Variants in PCED1B observed in about 807,000 individuals in gnomAD.
PCED1B encodes the protein PC-esterase domain-containing protein 1B.
For synonymous variants in PCED1B, 251 were observed against 246.1 expected, an observed-to-expected ratio of 1.02 and a Z score of -0.19; for missense variants, 573 against 573.9, an observed-to-expected ratio of 1.00 and a Z score of 0.02.
intron 3 of PCED1B, among the ~76,000 whole-genome samples, chr12:47,220,887 G>A (rs1168432289): frequency 5.3e-5 from 8 of 152,144 alleles, no homozygotes; most frequent in Admixed American, 4.6e-4. Flanking sequence ...AACATTCAAA[G>A]GTGAGTCACA....
chr12:47,127,970 C>T (rs1475325620), intron 2 of PCED1B, among the ~76,000 whole-genome samples: 1 of 152,162 alleles, frequency 6.6e-6, no homozygotes, highest in Non-Finnish European at 1.5e-5. Flanking sequence ...CCGCTTTATG[C>T]TTCATTACAG....
rs934293252 is a variant in PCED1B, at chr12:47,102,471, A to G, written c.-608-1642A>G. On this transcript the variant is annotated intron_variant, in intron 1 of 3. Transcript: ENST00000546455. ...GTTATACAGTTTTCCCTGCAACATG[A>G]TGTCAGTCTGCAAAGGGTCTTTGTG... 5.3e-5 allele frequency among the ~76,000 whole-genome samples: 8 copies of G among 152,256 alleles called. No individual in the cohort carries two copies. The South Asian group carries it at 1.4e-3, about 28-fold the overall frequency.
chr12:47,080,965 C>T (rs565016085), intron 1 of PCED1B, among the ~76,000 whole-genome samples: 1 of 152,154 alleles, frequency 6.6e-6, no homozygotes, highest in Non-Finnish European at 1.5e-5. Flanking sequence ...CCGGAGATGC[C>T]GCGGCCGACC....
intron 2 of PCED1B, among the ~76,000 whole-genome samples, chr12:47,122,381 A>C (rs2137312662): frequency 6.6e-6 from 1 of 152,330 alleles, no homozygotes. Flanking sequence ...AGCCAACTGG[A>C]TCCATATACT....
chr12:47,084,499 T>TAATG (rs1937888941), intron 1 of PCED1B, among the ~76,000 whole-genome samples: 1 of 152,246 alleles, frequency 6.6e-6, no homozygotes, highest in East Asian at 1.9e-4. Flanking sequence ...TGGCAACCAC[T>TAATG]AATGTACTTT....
At chr12:47,124,513 T>G (rs998351138) in intron 2 of PCED1B, among the ~76,000 whole-genome samples, 2 of 119,534 alleles carry the variant, frequency 1.7e-5, no homozygotes, top group African/African-American at 4.7e-5. Flanking sequence ...ACATGAGGTT[T>G]TTTTTTTTTT....
intron 2 of PCED1B, among the ~76,000 whole-genome samples, chr12:47,122,353 T>C (rs1460941089): frequency 3.3e-5 from 5 of 152,174 alleles, no homozygotes; most frequent in Non-Finnish European, 7.4e-5. Context: ...AGCCAATGTG[T>C]CTCCCTGATG....
At chr12:47,217,470 G>GAAAGAAGAAAGAAAGAA in intron 3 of PCED1B, among the ~76,000 whole-genome samples, 1 of 90,920 alleles carries the variant, frequency 1.1e-5, no homozygotes, top group East Asian at 3.4e-4. Flanking sequence ...AAGAAAGAAA[G>GAAAGAAGAAAGAAAGAA]AGAAAGAAAG....
At chr12:47,206,494 C>T (rs997047898) in intron 2 of PCED1B, 2 of 152,180 alleles carry the variant, frequency 1.3e-5, no homozygotes, top group African/African-American at 4.8e-5. Context: ...CATAGTCAGC[C>T]CTCAGTAAGT....
chr12:47,095,635 G>A (rs1029825386), intron 1 of PCED1B, among the ~76,000 whole-genome samples: 10 of 151,856 alleles, frequency 6.6e-5, no homozygotes, highest in African/African-American at 9.7e-5. Flanking sequence ...ATTTATCTGG[G>A]TTCCAGCTCA....
At chr12:47,222,506 C>T (rs1240094089) in intron 3 of PCED1B, among the ~76,000 whole-genome samples, 1 of 151,680 alleles carries the variant, frequency 6.6e-6, no homozygotes, top group African/African-American at 2.4e-5. Flanking sequence ...CCTACCCCTC[C>T]AACCCCAGAT....
At chr12:47,232,774 T>A (rs1943846387) in intron 3 of PCED1B, among the ~76,000 whole-genome samples, 1 of 152,166 alleles carries the variant, frequency 6.6e-6, no homozygotes, top group Non-Finnish European at 1.5e-5. Context: ...AAAAACTTTT[T>A]CTCTACTCTT....
At chr12:47,181,995 T>C (rs1419241649) in intron 2 of PCED1B, among the ~76,000 whole-genome samples, 1 of 152,240 alleles carries the variant, frequency 6.6e-6, no homozygotes, top group Non-Finnish European at 1.5e-5. Context: ...CACAAACCTT[T>C]TCAAAGAGCA....
intron 2 of PCED1B, among the ~76,000 whole-genome samples, chr12:47,118,148 C>T (rs953206336): frequency 2.6e-5 from 4 of 152,148 alleles, no homozygotes; most frequent in Admixed American, 6.5e-5. Flanking sequence ...ATTGCCTGTT[C>T]ACTCTGATGG....
chr12:47,158,364 G>A (rs1022331090), intron 2 of PCED1B, among the ~76,000 whole-genome samples: 5 of 152,156 alleles, frequency 3.3e-5, no homozygotes, highest in Non-Finnish European at 7.4e-5. Context: ...GTGCGAGGTG[G>A]TCTCCCTTTC....
At chr12:47,105,125 A>G (rs1938888083) in intron 2 of PCED1B, among the ~76,000 whole-genome samples, 1 of 152,174 alleles carries the variant, frequency 6.6e-6, no homozygotes. Flanking sequence ...GACCTTACAA[A>G]GCAGAGACAG....
intron 2 of PCED1B, among the ~76,000 whole-genome samples, chr12:47,146,779 A>G (rs1215070423): frequency 1.3e-5 from 2 of 152,202 alleles, no homozygotes; most frequent in Non-Finnish European, 2.9e-5. Context: ...GATTTACTTT[A>G]TTGTGATATT....
At chr12:47,107,155 T>G (rs1025304698) in intron 2 of PCED1B, among the ~76,000 whole-genome samples, 3 of 152,242 alleles carry the variant, frequency 2.0e-5, no homozygotes, top group Admixed American at 6.5e-5. Flanking sequence ...AGTGTCAACC[T>G]TGATATTCTT....
At chr12:47,203,771 A>C (rs565318919) in intron 2 of PCED1B, among the ~76,000 whole-genome samples, 71 of 152,336 alleles carry the variant, frequency 4.7e-4, no homozygotes, top group South Asian at 3.3e-3. Flanking sequence ...TCCAATGGAC[A>C]TACATATGCA....
Sources: allele counts gnomAD v4.1 joint callset (sites outside exome capture counted in the v4.1 genomes callset), GRCh38; gene constraint gnomAD v4.1.1; transcripts MANE v1.5; gene names NCBI Gene and HGNC (gene_info 2026-07-23, HGNC 2026-07-21).